The following NCOA7 variants were observed in gnomAD, a reference collection of about 807,000 sequenced individuals.
NCOA7 encodes the protein nuclear receptor coactivator 7.
Under a neutral mutation model 104.3 loss-of-function variants are expected in NCOA7, and 45 were observed. The observed-to-expected ratio is 0.43, with a 90% CI of 0.34 to 0.55. NCOA7 has a LOEUF of 0.55. Among genes scored for constraint, NCOA7 ranks in the 20% least tolerant of loss-of-function variants. The pLI is 0.02. For synonymous variants in NCOA7, 398 were observed against 402.3 expected (o/e 0.99, Z 0.13); for missense variants, 1,041 against 1,119.7 (o/e 0.93, Z 1.00).
chr6:125,831,096 G>C (rs1191502556), intron 2 of NCOA7, among the ~76,000 whole-genome samples: 16 of 152,132 alleles, frequency 1.1e-4, no homozygotes, highest in Admixed American at 1.0e-3. Context: ...TATTAGTACT[G>C]TCAGTACATG....
chr6:125,887,809 G>T (rs1784363182), intron 8 of NCOA7, among the ~76,000 whole-genome samples: 1 of 152,152 alleles, frequency 6.6e-6, no homozygotes, highest in Non-Finnish European at 1.5e-5. Flanking sequence ...TTATATCTCT[G>T]CATTTCAACC....
At chr6:125,899,846 C>A in intron 10 of NCOA7, 1 of 313,380 alleles carries the variant, frequency 3.2e-6, no homozygotes, top group South Asian at 2.8e-5. Context: ...GTTAATCATT[C>A]ACTCTACAGT....
chr6:125,928,590 A>T, intron 15 of NCOA7, 46 bp from the exon 16 acceptor site: 1 of 1,570,752 alleles, frequency 6.4e-7, no homozygotes, highest in Non-Finnish European at 8.6e-7. Flanking sequence ...TGTGTCATGT[A>T]ACATAGAAGT....
At chr6:125,917,876 G>A (rs1787219304) in intron 11 of NCOA7, among the ~76,000 whole-genome samples, 1 of 152,248 alleles carries the variant, frequency 6.6e-6, no homozygotes, top group Admixed American at 6.5e-5. Context: ...CCTCAATCAT[G>A]TATGCCTTGT....
At position 125,792,068 on chromosome 6, in the gene NCOA7, G is replaced by GT. The variant is rs1399571768; in HGVS notation, c.-65+1010dup. ...TCAAATAGGACAGAATCTTGAATCT[G>GT]TTTTTTTTTAAATCCTGTAATCTTC... On this transcript the variant is annotated intron_variant, in intron 1 of 15. Coordinates refer to ENST00000392477, the MANE Select transcript of NCOA7 (RefSeq NM_181782.5). 3.3e-4 allele frequency among the ~76,000 whole-genome samples: 50 copies of GT among 151,382 alleles called. 1 individual carries two copies. Among genetic ancestry groups the GT allele is most frequent in the Admixed American group, 4.6e-4 (7 of 15,206 alleles).
intron 1 of NCOA7, among the ~76,000 whole-genome samples, chr6:125,804,624 T>C (rs1292021578): frequency 2.0e-5 from 3 of 152,234 alleles, no homozygotes; most frequent in Admixed American, 6.5e-5. Flanking sequence ...AACTGACTTA[T>C]ACCTTATGAG....
intron 1 of NCOA7, among the ~76,000 whole-genome samples, chr6:125,783,478 C>T (rs1355568647): frequency 6.6e-6 from 1 of 152,188 alleles, no homozygotes; most frequent in Non-Finnish European, 1.5e-5. Context: ...CCCTCCTCTC[C>T]TCCCTCTTTG....
At chr6:125,837,958 A>G (rs1263534577) in intron 2 of NCOA7, among the ~76,000 whole-genome samples, 2 of 152,200 alleles carry the variant, frequency 1.3e-5, no homozygotes, top group African/African-American at 4.8e-5. Flanking sequence ...ACTCCTTCCC[A>G]TATTTCTTCC....
chr6:125,795,383 G>A (rs960142416), intron 1 of NCOA7, among the ~76,000 whole-genome samples: 7 of 152,032 alleles, frequency 4.6e-5, no homozygotes, highest in Non-Finnish European at 8.8e-5. Context: ...CAAAAGGTAC[G>A]CATGGCTCTA....
intron 13 of NCOA7, among the ~76,000 whole-genome samples, chr6:125,926,358 A>T (rs1788032292): frequency 6.6e-6 from 1 of 152,020 alleles, no homozygotes; most frequent in Non-Finnish European, 1.5e-5. Context: ...GCTAAAAAAG[A>T]AAATATTTAA....
intron 2 of NCOA7, among the ~76,000 whole-genome samples, chr6:125,826,988 A>T (rs1181710153): frequency 6.6e-6 from 1 of 152,102 alleles, no homozygotes; most frequent in Non-Finnish European, 1.5e-5. Context: ...ACCTGAGGTC[A>T]GGAGTTTGAG....
At chr6:125,837,554 A>AT (rs945801025) in intron 2 of NCOA7, among the ~76,000 whole-genome samples, 12 of 152,020 alleles carry the variant, frequency 7.9e-5, no homozygotes, top group African/African-American at 2.9e-4. Context: ...AACCCTTCCC[A>AT]TATCCAGTCA....
chr6:125,826,654 G>A (rs1329298838), intron 2 of NCOA7, among the ~76,000 whole-genome samples: 1 of 152,174 alleles, frequency 6.6e-6, no homozygotes, highest in East Asian at 1.9e-4. Flanking sequence ...TGCCTATTAA[G>A]CCCAGACGGT....
chr6:125,830,340 T>TA (rs1333703525), intron 2 of NCOA7, among the ~76,000 whole-genome samples: 1 of 152,208 alleles, frequency 6.6e-6, no homozygotes, highest in Non-Finnish European at 1.5e-5. Flanking sequence ...TCTCTCCACC[T>TA]AAGATGGAGT....
At chr6:125,900,659 G>A (rs1049743729) in intron 10 of NCOA7, among the ~76,000 whole-genome samples, 14 of 152,216 alleles carry the variant, frequency 9.2e-5, no homozygotes, top group Admixed American at 6.5e-4. Flanking sequence ...TTTTTGGTAT[G>A]TGTGGTAAGA....
intron 1 of NCOA7, among the ~76,000 whole-genome samples, chr6:125,794,334 T>C (rs975442129): frequency 1.5e-4 from 23 of 152,208 alleles, no homozygotes; most frequent in Non-Finnish European, 2.9e-4. Flanking sequence ...AATCATTGAT[T>C]ATATTTCCCT....
chr6:125,788,251 G>A (rs893176040), upstream of NCOA7, among the ~76,000 whole-genome samples: 3 of 152,070 alleles, frequency 2.0e-5, no homozygotes, highest in South Asian at 2.1e-4. Context: ...AAATTTAAAC[G>A]GCTACAAGTA....
intron 1 of NCOA7, chr6:125,781,412 C>T (rs1311596984): frequency 6.6e-6 from 1 of 151,978 alleles, no homozygotes; most frequent in Non-Finnish European, 1.5e-5. Flanking sequence ...TTTTCAGCAG[C>T]TCAGAGATGG....
At chr6:125,927,859 T>A in intron 14 of NCOA7, 101 bp downstream of exon 14, 2 of 995,756 alleles carry the variant, frequency 2.0e-6, no homozygotes, top group East Asian at 2.4e-5. Flanking sequence ...TAACTTCTCC[T>A]GAACTGACTC....
Sources: allele counts gnomAD v4.1 joint callset (sites outside exome capture counted in the v4.1 genomes callset), GRCh38; gene constraint gnomAD v4.1.1; transcripts MANE v1.5; gene names NCBI Gene and HGNC (gene_info 2026-07-23, HGNC 2026-07-21).